Variants in NLGN1 observed in about 807,000 individuals in gnomAD.
The protein encoded by NLGN1 is neuroligin 1.
NLGN1 carries 12 observed loss-of-function variants against 65.5 expected under a neutral mutation model. The ratio of observed to expected loss-of-function variants is 0.18; its 90% CI spans 0.12 to 0.30. NLGN1 has a LOEUF of 0.30. Ranked by LOEUF, NLGN1 falls within the 10% of genes least tolerant of loss-of-function variation. The pLI is 1.00. For missense variants in NLGN1, 750 were observed against 1,007.1 expected, an observed-to-expected ratio of 0.74 and a Z score of 3.46; for synonymous variants, 350 against 359.5, an observed-to-expected ratio of 0.97 and a Z score of 0.30.
chr3:174,238,834 C>T (rs1742240649), intron 4 of NLGN1, among the ~76,000 whole-genome samples: 1 of 152,126 alleles, frequency 6.6e-6, no homozygotes, highest in South Asian at 2.1e-4. Flanking sequence ...AGCACTCACT[C>T]TCATTTGTAC....
chr3:173,996,488 A>T (rs1579651586), intron 4 of NLGN1, among the ~76,000 whole-genome samples: 1 of 152,144 alleles, frequency 6.6e-6, no homozygotes. Context: ...ACAATTTGAG[A>T]AACCATTGCC....
intron 3 of NLGN1, among the ~76,000 whole-genome samples, chr3:173,629,860 AATTTTC>A (rs1487673250): frequency 2.6e-5 from 4 of 152,312 alleles, no homozygotes; most frequent in East Asian, 1.9e-4. Context: ...AGACTTGTAC[AATTTTC>A]ATTGAATATG....
At chr3:173,953,709 G>A (rs369991203) in intron 4 of NLGN1, among the ~76,000 whole-genome samples, 1 of 151,838 alleles carries the variant, frequency 6.6e-6, no homozygotes, top group African/African-American at 2.4e-5. Flanking sequence ...CATGCACCAC[G>A]TCTGGCTAAT....
At chr3:173,741,487 G>A (rs1017872470) in intron 3 of NLGN1, among the ~76,000 whole-genome samples, 1 of 151,820 alleles carries the variant, frequency 6.6e-6, no homozygotes, top group African/African-American at 2.4e-5. Flanking sequence ...TCAGCTTTCT[G>A]GGTTTGTTTT....
chr3:174,078,399 AGG>A (rs1741452835), intron 4 of NLGN1, among the ~76,000 whole-genome samples: 1 of 152,190 alleles, frequency 6.6e-6, no homozygotes, highest in African/African-American at 2.4e-5. Flanking sequence ...GTCCATTGGA[AGG>A]GTTCTAGGCA....
chr3:173,771,635 T>G (rs936463002), intron 3 of NLGN1, among the ~76,000 whole-genome samples: 7 of 152,144 alleles, frequency 4.6e-5, no homozygotes, highest in Non-Finnish European at 1.0e-4. Context: ...ACGCAGAAAA[T>G]TAGAGGTCTC....
chr3:173,522,222 T>C (rs1437405598), intron 2 of NLGN1, among the ~76,000 whole-genome samples: 1 of 152,236 alleles, frequency 6.6e-6, no homozygotes, highest in African/African-American at 2.4e-5. Context: ...CTTTTGTCTA[T>C]GAGTTATTTC....
chr3:174,073,860 G>T (rs890396944), intron 4 of NLGN1, among the ~76,000 whole-genome samples: 1 of 152,088 alleles, frequency 6.6e-6, no homozygotes, highest in African/African-American at 2.4e-5. Context: ...GATCCACAGA[G>T]GAATAATAGA....
At chr3:173,735,833 T>A (rs543234162) in intron 3 of NLGN1, among the ~76,000 whole-genome samples, 7 of 152,256 alleles carry the variant, frequency 4.6e-5, no homozygotes, top group African/African-American at 1.7e-4. Context: ...TCACATAATT[T>A]TTTTAAAATA....
chr3:174,016,677 G>C (rs748871639), intron 4 of NLGN1, among the ~76,000 whole-genome samples: 1 of 152,078 alleles, frequency 6.6e-6, no homozygotes, highest in Non-Finnish European at 1.5e-5. Context: ...AGTAATTGCA[G>C]TTTTTGCCAT....
intron 4 of NLGN1, among the ~76,000 whole-genome samples, chr3:173,926,150 TTAAA>T (rs1742962342): frequency 6.6e-6 from 1 of 152,034 alleles, no homozygotes; most frequent in African/African-American, 2.4e-5. Context: ...TTTATTAACT[TTAAA>T]TAGTATTTTT....
In NLGN1 at chr3:173,511,991, A is replaced by T. The variant is rs959375789; in HGVS notation, c.-321+76913A>T. On this transcript the variant is annotated intron_variant, in intron 2 of 6. Coordinates refer to ENST00000457714, the Ensembl canonical transcript of NLGN1. Reference sequence around the variant, plus strand: ...ATCACTTACCAAGCCCACCCACTCAACCCCTCATGGGTGGAAGCATGCAAA... The same window carrying T: ...ATCACTTACCAAGCCCACCCACTCATCCCCTCATGGGTGGAAGCATGCAAA... Among the ~76,000 whole-genome samples the T allele has an allele frequency of 2.6e-5, 4 of 152,232 alleles. No individual in the cohort carries two copies. The East Asian group carries it at 5.8e-4, about 22-fold the overall frequency.
chr3:173,852,200 C>CA (rs1727074933), intron 4 of NLGN1, among the ~76,000 whole-genome samples: 3 of 149,988 alleles, frequency 2.0e-5, no homozygotes, highest in South Asian at 2.1e-4. Flanking sequence ...ACTAAAAATA[C>CA]AAAAAATTAG....
chr3:173,539,632 A>G (rs561661644), intron 2 of NLGN1, among the ~76,000 whole-genome samples: 25 of 42,990 alleles, frequency 5.8e-4, no homozygotes, highest in Admixed American at 2.0e-3. Context: ...ATTTATATAT[A>G]CACATATATA....
chr3:173,515,190 A>T (rs1733626914), intron 2 of NLGN1, among the ~76,000 whole-genome samples: 1 of 152,250 alleles, frequency 6.6e-6, no homozygotes, highest in South Asian at 2.1e-4. Flanking sequence ...GATAATAGCC[A>T]TCCTAACAGG....
intron 4 of NLGN1, among the ~76,000 whole-genome samples, chr3:174,103,240 C>T (rs947965272): frequency 6.6e-6 from 1 of 152,048 alleles, no homozygotes; most frequent in Non-Finnish European, 1.5e-5. Context: ...TTTGATTAAA[C>T]ATAAAACCAA....
chr3:173,999,246 G>A (rs1406875238), intron 4 of NLGN1, among the ~76,000 whole-genome samples: 1 of 151,998 alleles, frequency 6.6e-6, no homozygotes. Context: ...CATAATAGAA[G>A]GTCTTCTTGG....
Position 174,197,598 on chromosome 3 carries a change from T to C in NLGN1, c.647-77717T>C, listed in dbSNP as rs115959791. ...CTCTTCCTTGACTAAGAGAGGGAGG[T>C]GATTGGAACGCAGCCCTGCCAGTCT... On this transcript the variant is annotated intron_variant, in intron 4 of 6. Coordinates refer to ENST00000457714, the Ensembl canonical transcript of NLGN1. Among the ~76,000 whole-genome samples the C allele has an allele frequency of 3.2e-3, 458 of 141,274 alleles. 1 individual carries two copies. Among genetic ancestry groups the C allele is most frequent in the African/African-American group, 0.011 (395 of 37,232 alleles). The allele number at this position is 141,274 out of a possible 152,430, so 92.7% of individuals were successfully genotyped here.
At chr3:173,697,160 A>G (rs1370216053) in intron 3 of NLGN1, among the ~76,000 whole-genome samples, 1 of 152,216 alleles carries the variant, frequency 6.6e-6, no homozygotes, top group Non-Finnish European at 1.5e-5. Flanking sequence ...CTACTCACTA[A>G]CATATAGATA....
Sources: allele counts gnomAD v4.1 joint callset (sites outside exome capture counted in the v4.1 genomes callset), GRCh38; gene constraint gnomAD v4.1.1; transcripts MANE v1.5; gene names NCBI Gene and HGNC (gene_info 2026-07-23, HGNC 2026-07-21).